GALNT16: variants seen among roughly 807,000 people sequenced by gnomAD.
GALNT16 encodes the protein polypeptide N-acetylgalactosaminyltransferase 16.
In GALNT16, 40 loss-of-function variants were observed where a neutral mutation model predicts 76.1. The ratio of observed to expected loss-of-function variants is 0.53; its 90% CI spans 0.41 to 0.68. The LOEUF is 0.68. GALNT16 is among the 30% of genes least tolerant of loss of function. The pLI is 0.00. For missense variants in GALNT16, 621 were observed against 731.9 expected (o/e 0.85, Z 1.75); for synonymous variants, 276 against 285.2 (o/e 0.97, Z 0.32).
At chr14:69,347,012 C>G in intron 12 of GALNT16, 28 bp from the exon 13 acceptor site, 2 of 1,613,842 alleles carry the variant, frequency 1.2e-6, no homozygotes, top group South Asian at 2.2e-5. Flanking sequence ...GGGGAAAGCA[C>G]AAGCCTGACT....
intron 1 of GALNT16, among the ~76,000 whole-genome samples, chr14:69,274,250 C>A (rs769509224): frequency 2.0e-5 from 3 of 152,158 alleles, no homozygotes; most frequent in Non-Finnish European, 2.9e-5. Flanking sequence ...CATTAGTATA[C>A]AAATTGTTAC....
At chr14:69,291,399 T>G (rs1014087186) in intron 1 of GALNT16, among the ~76,000 whole-genome samples, 1 of 152,232 alleles carries the variant, frequency 6.6e-6, no homozygotes, top group Non-Finnish European at 1.5e-5. Flanking sequence ...AGAGGGAGAC[T>G]TGGCTCTGAC....
At chr14:69,309,430 G>C (rs2044983919) in intron 1 of GALNT16, among the ~76,000 whole-genome samples, 1 of 151,806 alleles carries the variant, frequency 6.6e-6, no homozygotes, top group Non-Finnish European at 1.5e-5. Context: ...AATCTCCTGA[G>C]TAGCTGGGAC....
intron 14 of GALNT16, chr14:69,349,595 A>G (rs1240199011): frequency 6.6e-6 from 1 of 152,182 alleles, no homozygotes; most frequent in Non-Finnish European, 1.5e-5. Context: ...CCTGTATCCG[A>G]GAGGCTCCTG....
At chr14:69,376,591 T>TA in the GALNT16 span, among the ~76,000 whole-genome samples, 1 of 151,954 alleles carries the variant, frequency 6.6e-6, no homozygotes, top group Admixed American at 6.6e-5. Flanking sequence ...TAACCCAAGG[T>TA]AACCACTTAG....
the GALNT16 span, among the ~76,000 whole-genome samples, chr14:69,383,986 A>T: frequency 9.3e-5 from 14 of 150,470 alleles, no homozygotes; most frequent in African/African-American, 2.9e-4. Flanking sequence ...TGTCTCTAAA[A>T]TTTTTTTTTT....
chr14:69,282,969 A>G (rs1003667136), intron 1 of GALNT16, among the ~76,000 whole-genome samples: 2 of 152,080 alleles, frequency 1.3e-5, no homozygotes, highest in Admixed American at 6.6e-5. Flanking sequence ...CCTGGCCGAG[A>G]TGATTTTTTA....
At chr14:69,367,565 A>G in the GALNT16 span, among the ~76,000 whole-genome samples, 5 of 150,268 alleles carry the variant, frequency 3.3e-5, no homozygotes, top group African/African-American at 9.8e-5. Context: ...CACCCAGTCT[A>G]TGGTACTTCG....
downstream of GALNT16, chr14:69,354,744 G>A (rs1024234480): frequency 1.3e-5 from 2 of 152,308 alleles, no homozygotes; most frequent in African/African-American, 4.8e-5. Context: ...GTGGAGCCCA[G>A]GCTCCTGTGG....
At chr14:69,323,723 AG>A (rs1368836450) in intron 2 of GALNT16, among the ~76,000 whole-genome samples, 1 of 151,950 alleles carries the variant, frequency 6.6e-6, no homozygotes, top group Admixed American at 6.5e-5. Context: ...GATTTCCCCC[AG>A]GGGGGTCCCA....
intron 1 of GALNT16, among the ~76,000 whole-genome samples, chr14:69,280,138 T>TTCCCAA (rs1342232950): frequency 6.6e-6 from 1 of 152,244 alleles, no homozygotes. Context: ...ACCATTCATC[T>TTCCCAA]ACAGAGCTCT....
At chr14:69,284,500 C>T (rs1044346593) in intron 1 of GALNT16, among the ~76,000 whole-genome samples, 2 of 152,190 alleles carry the variant, frequency 1.3e-5, no homozygotes, top group African/African-American at 4.8e-5. Flanking sequence ...AAATAATGCT[C>T]CCGGGTGGAA....
At chr14:69,348,432 G>T (rs1015109336) in intron 14 of GALNT16, 1 of 274,706 alleles carries the variant, frequency 3.6e-6, no homozygotes, top group African/African-American at 2.2e-5. Flanking sequence ...GCTGAGGCTC[G>T]CTGAATCTAA....
intron 1 of GALNT16, among the ~76,000 whole-genome samples, chr14:69,296,795 AC>A (rs2044772097): frequency 1.5e-5 from 2 of 136,848 alleles, no homozygotes; most frequent in Admixed American, 7.1e-5. Context: ...AGATAGACAG[AC>A]AGATAGAGCT....
chr14:69,377,922 G>T, the GALNT16 span, among the ~76,000 whole-genome samples: 1 of 147,954 alleles, frequency 6.8e-6, no homozygotes, highest in South Asian at 2.2e-4. Context: ...ACCTTCAAAT[G>T]ATTAGTTAAA....
intron 1 of GALNT16, among the ~76,000 whole-genome samples, chr14:69,313,293 G>A (rs894089470): frequency 6.6e-6 from 1 of 152,214 alleles, no homozygotes; most frequent in East Asian, 1.9e-4. Context: ...GATGCAAGCC[G>A]AGCATCACAT....
At chr14:69,351,955 G>T (rs975858610) in intron 14 of GALNT16, 76 bp from the exon 15 acceptor site, 62 of 1,387,444 alleles carry the variant, frequency 4.5e-5, no homozygotes, top group Non-Finnish European at 5.9e-5. Flanking sequence ...GCATACATGT[G>T]GAATGAAAGT....
At chr14:69,296,908 T>C (rs2044775555) in intron 1 of GALNT16, among the ~76,000 whole-genome samples, 1 of 152,224 alleles carries the variant, frequency 6.6e-6, no homozygotes, top group Non-Finnish European at 1.5e-5. Context: ...TACCTTGATT[T>C]CTTTTTCACT....
downstream of GALNT16, among the ~76,000 whole-genome samples, chr14:69,360,604 T>TAA (rs34205304): frequency 8.6e-6 from 1 of 116,212 alleles, no homozygotes; most frequent in African/African-American, 3.1e-5. Context: ...TGAGACTGTC[T>TAA]AAAAAAAAAA....
Sources: allele counts gnomAD v4.1 joint callset (sites outside exome capture counted in the v4.1 genomes callset), GRCh38; gene constraint gnomAD v4.1.1; transcripts MANE v1.5; gene names NCBI Gene and HGNC (gene_info 2026-07-23, HGNC 2026-07-21).